NKAIN3: variants seen among roughly 807,000 people sequenced by gnomAD.
The protein encoded by NKAIN3 is sodium/potassium transporting ATPase interacting 3, also known as sodium/potassium-transporting ATPase subunit beta-1-interacting protein 3.
NKAIN3 carries 25 observed loss-of-function variants against 30.2 expected under a neutral mutation model. The observed-to-expected ratio is 0.83, with a 90% confidence interval of 0.60 to 1.16. The LOEUF is 1.16. NKAIN3 is among the 50% of genes most tolerant of loss of function. The pLI, the probability that NKAIN3 is intolerant of heterozygous loss-of-function variation, is 0.00. For synonymous variants in NKAIN3, 91 were observed against 89.6 expected, an observed-to-expected ratio of 1.02 and a Z score of -0.09; for missense variants, 225 against 254.1, an observed-to-expected ratio of 0.89 and a Z score of 0.78.
At chr8:62,529,154 A>T (rs945209959) in intron 1 of NKAIN3, among the ~76,000 whole-genome samples, 1 of 152,154 alleles carries the variant, frequency 6.6e-6, no homozygotes, top group Non-Finnish European at 1.5e-5. Flanking sequence ...TCCTCTTCCC[A>T]TAATTCAACC....
chr8:62,706,758 T>C (rs1478891098), intron 3 of NKAIN3, among the ~76,000 whole-genome samples: 1 of 152,044 alleles, frequency 6.6e-6, no homozygotes, highest in Non-Finnish European at 1.5e-5. Flanking sequence ...TTAGTGGTGA[T>C]TTGTGAGATT....
intron 3 of NKAIN3, among the ~76,000 whole-genome samples, chr8:62,637,980 G>C (rs1430076976): frequency 2.6e-5 from 4 of 152,120 alleles, no homozygotes; most frequent in Non-Finnish European, 4.4e-5. Context: ...CTCGCCAGTT[G>C]ATTCACTATC....
chr8:62,578,331 T>C (rs1810182408), intron 1 of NKAIN3, among the ~76,000 whole-genome samples: 1 of 152,146 alleles, frequency 6.6e-6, no homozygotes, highest in African/African-American at 2.4e-5. Flanking sequence ...AATGTAGATG[T>C]ATGTAATACA....
At chr8:62,512,919 C>T (rs1201472742) in intron 1 of NKAIN3, among the ~76,000 whole-genome samples, 1 of 152,070 alleles carries the variant, frequency 6.6e-6, no homozygotes, top group Non-Finnish European at 1.5e-5. Context: ...GTCCTCCCAA[C>T]AAGTATTTAG....
chr8:62,919,227 ATTTTTTTTTTTTTTTT>A (rs71255371), intron 5 of NKAIN3, among the ~76,000 whole-genome samples: 6 of 47,186 alleles, frequency 1.3e-4, no homozygotes, highest in African/African-American at 1.8e-4. Context: ...TACTTTCAAA[ATTTTTTTTTTTTTTTT>A]TTTTTTTTTT....
chr8:62,892,781 T>G (rs998991247), intron 4 of NKAIN3, among the ~76,000 whole-genome samples: 1 of 152,158 alleles, frequency 6.6e-6, no homozygotes, highest in Non-Finnish European at 1.5e-5. Flanking sequence ...CACAAACAAA[T>G]AGAAGAAGGT....
chr8:62,471,994 C>T (rs190031980), intron 1 of NKAIN3, among the ~76,000 whole-genome samples: 136 of 149,276 alleles, frequency 9.1e-4, no homozygotes, highest in African/African-American at 2.0e-3. Flanking sequence ...AGCCTGCGCC[C>T]AGCCTGGGTG....
At chr8:62,990,884 A>AT (rs1480352684) in intron 5 of NKAIN3, 1 of 152,206 alleles carries the variant, frequency 6.6e-6, no homozygotes, top group Admixed American at 6.5e-5. Context: ...ACCAGAAAGC[A>AT]TTTTTTACAA....
In NKAIN3 at chr8:62,307,938, C is replaced by A. The variant is rs112762406; in HGVS notation, c.54+58811C>A. 9.6e-3 allele frequency among the ~76,000 whole-genome samples: 1,442 copies of A among 150,284 alleles called. 136 individuals are homozygous for A. Among genetic ancestry groups the A allele is most frequent in the African/African-American group, 0.034 (1,355 of 39,762 alleles). ...AGTAGTCTTGTGGGGAAGATGGACT[C>A]AGGCAAATAGAGCTGGTCAGAAGTG... On this transcript the variant is annotated intron_variant, in intron 1 of 6. Coordinates refer to ENST00000623646, the MANE Select transcript of NKAIN3 (RefSeq NM_001304533.3).
Position 62,288,040 on chromosome 8 carries a change from G to A in NKAIN3, c.54+38913G>A, listed in dbSNP as rs143614380. ...TAGCCTATGAAGGCTTTTATTCTCAGTTTATATAGCTCCTCTTCAATAAAA... is the reference window on the plus strand; with the variant it reads ...TAGCCTATGAAGGCTTTTATTCTCAATTTATATAGCTCCTCTTCAATAAAA... On this transcript the variant is annotated intron_variant, in intron 1 of 6. Transcript: ENST00000623646. Among the ~76,000 whole-genome samples the A allele has an allele frequency of 3.2e-4, 48 of 152,186 alleles. 1 individual carries two copies. In the East Asian group the frequency reaches 8.5e-3, roughly 27 times the overall value.
chr8:62,543,556 A>G (rs1367677912), intron 1 of NKAIN3, among the ~76,000 whole-genome samples: 1 of 152,236 alleles, frequency 6.6e-6, no homozygotes, highest in Non-Finnish European at 1.5e-5. Flanking sequence ...GTGGAAACAT[A>G]GATGCCAACA....
At chr8:62,396,751 T>A (rs1817779497) in intron 1 of NKAIN3, among the ~76,000 whole-genome samples, 1 of 152,210 alleles carries the variant, frequency 6.6e-6, no homozygotes, top group South Asian at 2.1e-4. Context: ...CCCCTGTAAC[T>A]ATTCTTGTGT....
chr8:62,832,262 C>T (rs1159546558), intron 4 of NKAIN3, among the ~76,000 whole-genome samples: 1 of 72,248 alleles, frequency 1.4e-5, no homozygotes, highest in Non-Finnish European at 2.9e-5. Context: ...CAAACAGACA[C>T]ACACACACAC....
intron 4 of NKAIN3, among the ~76,000 whole-genome samples, chr8:62,871,736 T>C (rs73685825): frequency 0.02 from 3,025 of 152,302 alleles, 93 homozygotes; most frequent in African/African-American, 0.069. Context: ...AAGATGCCTA[T>C]GGAATCCCTC....
intron 1 of NKAIN3, among the ~76,000 whole-genome samples, chr8:62,421,314 C>A (rs1355439398): frequency 6.6e-6 from 1 of 152,126 alleles, no homozygotes; most frequent in African/African-American, 2.4e-5. Flanking sequence ...GTCCCTACTT[C>A]AGTGGGGTAG....
chr8:62,745,096 G>A (rs1255014784), intron 3 of NKAIN3, among the ~76,000 whole-genome samples: 1 of 152,162 alleles, frequency 6.6e-6, no homozygotes, highest in African/African-American at 2.4e-5. Flanking sequence ...TTTTCAGAGA[G>A]CTCCACCCTG....
intron 1 of NKAIN3, among the ~76,000 whole-genome samples, chr8:62,480,657 A>C (rs1279800765): frequency 1.3e-5 from 2 of 152,114 alleles, no homozygotes; most frequent in Admixed American, 6.5e-5. Flanking sequence ...GGCTAATTGA[A>C]AAAAAGGCCC....
chr8:62,425,365 GAGCC>G, intron 1 of NKAIN3, among the ~76,000 whole-genome samples: 1 of 151,848 alleles, frequency 6.6e-6, no homozygotes, highest in East Asian at 1.9e-4. Context: ...TGATAAATGT[GAGCC>G]ACATGCATTG....
intron 3 of NKAIN3, among the ~76,000 whole-genome samples, chr8:62,716,240 C>A (rs1419596370): frequency 6.6e-6 from 1 of 152,116 alleles, no homozygotes; most frequent in Non-Finnish European, 1.5e-5. Context: ...GCTTTCCTGC[C>A]AGGCCCTACA....
Sources: allele counts gnomAD v4.1 joint callset (sites outside exome capture counted in the v4.1 genomes callset), GRCh38; gene constraint gnomAD v4.1.1; transcripts MANE v1.5; gene names NCBI Gene and HGNC (gene_info 2026-07-23, HGNC 2026-07-21).